CTNND2: variants seen among roughly 807,000 people sequenced by gnomAD.
The protein encoded by CTNND2 is catenin delta-2.
In CTNND2, 22 loss-of-function variants were observed where a neutral mutation model predicts 144.4. That is an observed-to-expected ratio of 0.15 (90% CI 0.11 to 0.22). CTNND2 has a LOEUF of 0.22. CTNND2 is among the 10% of genes least tolerant of loss of function. The pLI is 1.00. For synonymous variants in CTNND2, 751 were observed against 695.6 expected (o/e 1.08, Z -1.25); for missense variants, 1,353 against 1,618.8 (o/e 0.84, Z 2.82).
intron 19 of CTNND2, among the ~76,000 whole-genome samples, chr5:10,989,107 A>G (rs1738371011): frequency 6.6e-6 from 1 of 152,212 alleles, no homozygotes; most frequent in African/African-American, 2.4e-5. Context: ...GGAAGTCAGT[A>G]AAAGGAGGTT....
intron 2 of CTNND2, among the ~76,000 whole-genome samples, chr5:11,665,309 C>T (rs1366292687): frequency 6.6e-6 from 1 of 152,152 alleles, no homozygotes; most frequent in Admixed American, 6.6e-5. Flanking sequence ...TTCCATCCAG[C>T]TGCTTCACTG....
intron 1 of CTNND2, among the ~76,000 whole-genome samples, chr5:11,881,638 T>C (rs1364927787): frequency 3.3e-5 from 5 of 152,036 alleles, no homozygotes; most frequent in Admixed American, 2.0e-4. Flanking sequence ...TATTCATTCA[T>C]CCATCAATAG....
intron 3 of CTNND2, among the ~76,000 whole-genome samples, chr5:11,537,069 G>A (rs900317504): frequency 1.3e-5 from 2 of 151,684 alleles, no homozygotes; most frequent in Non-Finnish European, 2.9e-5. Context: ...GAAGGAGGCA[G>A]CAATTAGTCT....
In CTNND2 at chr5:11,079,313, G is replaced by C. The variant is rs79015671; in HGVS notation, c.2788+3383C>G. On this transcript the variant is annotated intron_variant, in intron 16 of 21. Coordinates refer to ENST00000304623, the MANE Select transcript of CTNND2 (RefSeq NM_001332.4). ...TCCAGCTCCCTTCTGCTGAGCCTCTGGATGCTACCTACTGACTTCTGTTCC... is the reference window on the plus strand; with the variant it reads ...TCCAGCTCCCTTCTGCTGAGCCTCTCGATGCTACCTACTGACTTCTGTTCC... Among the ~76,000 whole-genome samples the C allele has an allele frequency of 2.1e-3, 269 of 125,352 alleles. 1 individual carries two copies. Among genetic ancestry groups the C allele is most frequent in the Non-Finnish European group, 3.5e-3 (223 of 63,796 alleles). 82.2% of individuals were successfully genotyped at this position (125,352 alleles called of 152,430 possible).
intron 18 of CTNND2, among the ~76,000 whole-genome samples, chr5:11,005,389 AT>A (rs1740381697): frequency 6.6e-6 from 1 of 152,198 alleles, no homozygotes; most frequent in Non-Finnish European, 1.5e-5. Flanking sequence ...TCAGATCGGG[AT>A]TTTTAAAAGT....
chr5:11,136,658 C>T (rs1048569944), intron 12 of CTNND2, among the ~76,000 whole-genome samples: 5 of 152,168 alleles, frequency 3.3e-5, no homozygotes, highest in Admixed American at 1.3e-4. Context: ...CAAAGCATTT[C>T]CAGAATTGTT....
chr5:11,243,038 C>T (rs1019931570), intron 9 of CTNND2, among the ~76,000 whole-genome samples: 1 of 152,156 alleles, frequency 6.6e-6, no homozygotes, highest in African/African-American at 2.4e-5. Flanking sequence ...CTCTTAAAAT[C>T]TATGTAATAC....
intron 9 of CTNND2, among the ~76,000 whole-genome samples, chr5:11,303,124 C>T (rs545665349): frequency 6.6e-6 from 1 of 152,318 alleles, no homozygotes; most frequent in Admixed American, 6.5e-5. Context: ...GCCTCAGAAA[C>T]TTCCTTTCTC....
At chr5:11,325,569 A>G (rs2150074960) in intron 9 of CTNND2, among the ~76,000 whole-genome samples, 1 of 152,304 alleles carries the variant, frequency 6.6e-6, no homozygotes, top group Non-Finnish European at 1.5e-5. Context: ...TTGCTAGACT[A>G]AGACAGGTCC....
chr5:11,473,345 T>C (rs1021499977), intron 3 of CTNND2, among the ~76,000 whole-genome samples: 2 of 152,154 alleles, frequency 1.3e-5, no homozygotes, highest in African/African-American at 4.8e-5. Flanking sequence ...ACTCCTGGCA[T>C]TGAATGTTCA....
At chr5:11,077,346 G>T (rs537975221) in intron 16 of CTNND2, among the ~76,000 whole-genome samples, 2 of 152,310 alleles carry the variant, frequency 1.3e-5, no homozygotes, top group African/African-American at 4.8e-5. Context: ...CTGAGGGTAA[G>T]ATTTTAAGTA....
chr5:11,639,513 T>G (rs1781884783), intron 2 of CTNND2, among the ~76,000 whole-genome samples: 1 of 152,176 alleles, frequency 6.6e-6, no homozygotes, highest in Admixed American at 6.6e-5. Flanking sequence ...ACCCTTAACT[T>G]AAATAACAGA....
At chr5:11,444,389 A>T (rs146437659) in intron 3 of CTNND2, among the ~76,000 whole-genome samples, 10 of 152,336 alleles carry the variant, frequency 6.6e-5, no homozygotes, top group African/African-American at 2.2e-4. Flanking sequence ...CACATAGAGA[A>T]AGAAATTCTC....
chr5:11,689,884 G>A (rs1183456617), intron 2 of CTNND2, among the ~76,000 whole-genome samples: 1 of 152,262 alleles, frequency 6.6e-6, no homozygotes, highest in African/African-American at 2.4e-5. Flanking sequence ...AAGCTATTTT[G>A]TTACAGCAGC....
chr5:11,382,595 C>CTGTGTATG (rs755324887), intron 7 of CTNND2, among the ~76,000 whole-genome samples: 8 of 130,148 alleles, frequency 6.1e-5, no homozygotes, highest in East Asian at 2.2e-4. Context: ...GAGTGAGACT[C>CTGTGTATG]TGTGTGTGTG....
At chr5:11,353,723 A>T (rs932821995) in intron 8 of CTNND2, among the ~76,000 whole-genome samples, 2 of 152,076 alleles carry the variant, frequency 1.3e-5, no homozygotes, top group African/African-American at 4.8e-5. Flanking sequence ...GAACCGTTTG[A>T]ACCCAGGAGG....
rs536445070 is a variant in CTNND2 at position 11,435,973 on chromosome 5, C to A, written c.288-23904G>T. On this transcript the variant is annotated intron_variant, in intron 3 of 21. Coordinates refer to ENST00000304623, the MANE Select transcript of CTNND2 (RefSeq NM_001332.4). ...ATGTATAATGGCGAAGATAAAATAACAGTTGTGAATATAACTAGGAGCGTT... is the reference window on the plus strand; with the variant it reads ...ATGTATAATGGCGAAGATAAAATAAAAGTTGTGAATATAACTAGGAGCGTT... Among the ~76,000 whole-genome samples, 56 of 152,218 alleles carry A rather than the reference C, an allele frequency of 3.7e-4. No individual in the cohort carries two copies. The South Asian group carries it at 0.012, about 32-fold the overall frequency.
chr5:11,344,538 C>G (rs1240925570), intron 9 of CTNND2, among the ~76,000 whole-genome samples: 2 of 152,114 alleles, frequency 1.3e-5, no homozygotes, highest in Non-Finnish European at 2.9e-5. Context: ...TAGTCCAGTT[C>G]TGGTTCTAGA....
rs33991357 is a variant in CTNND2, at chr5:11,507,987, A to AT, written c.287+56956dup. Among the ~76,000 whole-genome samples, 912 of 147,548 alleles carry AT rather than the reference A, an allele frequency of 6.2e-3. 2 individuals are homozygous for AT. Among genetic ancestry groups the AT allele is most frequent in the South Asian group, 0.023 (108 of 4,606 alleles). ...AGGCTTTGGACATACAAAGAAATGG[A>AT]TTTTTTTTTTTTTTGGTCGGCATTA... On this transcript the variant is annotated intron_variant, in intron 3 of 21. Transcript: ENST00000304623.
Sources: gnomAD v4.1 joint callset for allele counts (sites outside exome capture counted in the v4.1 genomes callset) on GRCh38, gnomAD v4.1.1 for gene constraint, MANE v1.5 for transcripts, NCBI Gene and HGNC (gene_info 2026-07-23, HGNC 2026-07-21) for gene names.